The following MTUS1 variants were observed in gnomAD, a reference collection of about 807,000 sequenced individuals.
MTUS1 encodes the protein microtubule associated scaffold protein 1.
A neutral mutation model predicts 120.8 loss-of-function variants in MTUS1; 109 were observed. The observed-to-expected ratio is 0.90, with a 90% CI of 0.77 to 1.06. MTUS1 has a LOEUF of 1.06. Ranked by LOEUF, MTUS1 falls within the 50% of genes least tolerant of loss-of-function variation. The pLI is 0.00. For synonymous variants in MTUS1, 737 were observed against 550.5 expected (o/e 1.34, Z -4.74); for missense variants, 2,210 against 1,486.3 (o/e 1.49, Z -8.01).
intron 7 of MTUS1, among the ~76,000 whole-genome samples, chr8:17,675,659 A>C (rs1812953475): frequency 6.6e-6 from 1 of 152,238 alleles, no homozygotes; most frequent in Non-Finnish European, 1.5e-5. Context: ...ATAAGCACAT[A>C]TATGCACTTT....
intron 3 of MTUS1, among the ~76,000 whole-genome samples, chr8:17,737,601 C>T (rs1157343183): frequency 6.6e-6 from 1 of 152,206 alleles, no homozygotes; most frequent in East Asian, 1.9e-4. Context: ...GATCCTCCCA[C>T]CTCAGCCTCC....
intron 1 of MTUS1, among the ~76,000 whole-genome samples, chr8:17,775,981 C>A (rs1324153212): frequency 6.6e-6 from 1 of 152,216 alleles, no homozygotes; most frequent in Non-Finnish European, 1.5e-5. Context: ...AAGAATGACA[C>A]AACTACCTCT....
intron 1 of MTUS1, among the ~76,000 whole-genome samples, chr8:17,777,354 G>A (rs1426262891): frequency 5.9e-5 from 9 of 151,596 alleles, no homozygotes; most frequent in Admixed American, 6.6e-5. Context: ...CAAGAGAATC[G>A]CTTGAACCCA....
At chr8:17,687,950 C>A (rs1482653083) in intron 6 of MTUS1, among the ~76,000 whole-genome samples, 2 of 152,170 alleles carry the variant, frequency 1.3e-5, no homozygotes, top group Non-Finnish European at 1.5e-5. Context: ...AATCCCAAGA[C>A]CAAAAACAAT....
intron 13 of MTUS1, among the ~76,000 whole-genome samples, chr8:17,647,558 G>T (rs1346102503): frequency 6.6e-6 from 1 of 152,158 alleles, no homozygotes; most frequent in African/African-American, 2.4e-5. Context: ...CAGTTTCATG[G>T]TAAGTTTTCA....
chr8:17,672,918 C>T (rs1232406619), intron 8 of MTUS1, among the ~76,000 whole-genome samples: 1 of 152,196 alleles, frequency 6.6e-6, no homozygotes, highest in Non-Finnish European at 1.5e-5. Flanking sequence ...CTTAATTGTG[C>T]TGTCCACTAA....
At chr8:17,728,111 A>C (rs1029894168) in intron 3 of MTUS1, among the ~76,000 whole-genome samples, 4 of 152,234 alleles carry the variant, frequency 2.6e-5, no homozygotes, top group African/African-American at 9.6e-5. Context: ...TCTGTAAAAC[A>C]AAATGGTAGA....
chr8:17,763,792 G>A (rs1026052841), intron 1 of MTUS1, among the ~76,000 whole-genome samples: 1 of 152,126 alleles, frequency 6.6e-6, no homozygotes, highest in Admixed American at 6.5e-5. Flanking sequence ...TATGTGTTTT[G>A]CAGGTAATGC....
chr8:17,680,941 C>CTTT (rs148648178), intron 7 of MTUS1, among the ~76,000 whole-genome samples: 2 of 149,156 alleles, frequency 1.3e-5, no homozygotes, highest in Admixed American at 6.7e-5. Context: ...TGCTTTTTTT[C>CTTT]TTTTTTTTTT....
At chr8:17,763,722 G>C (rs920201784) in intron 1 of MTUS1, among the ~76,000 whole-genome samples, 5 of 152,196 alleles carry the variant, frequency 3.3e-5, no homozygotes, top group Non-Finnish European at 7.3e-5. Context: ...ACAAGTAACT[G>C]TGGCTGGCTG....
At position 17,755,496 on chromosome 8, in the gene MTUS1, C is replaced by G; in HGVS notation, c.312G>C (p.Gln104His). The change falls in exon 2 of 15, where the codon CAG becomes CAC. Residue 104 changes from glutamine to histidine, a missense_variant. Gln to His is a conservative substitution (Grantham distance 24). Coordinates refer to ENST00000693296, the MANE Select transcript of MTUS1 (RefSeq NM_001363059.2). ...TCTCAGTACCTACAAGTGCAGGACACTGACAAATAGAATCTTTATGCATAT... is the reference window on the plus strand; with the variant it reads ...TCTCAGTACCTACAAGTGCAGGACAGTGACAAATAGAATCTTTATGCATAT... ...VLDMHKDSIC[Q>H]CPALVGTEKP... is the part of the protein sequence containing the mutation. 6.2e-7 allele frequency: 1 copy of G among 1,614,178 alleles called. No individual in the cohort carries two copies. The highest frequency in any genetic ancestry group is 8.5e-7 in the Non-Finnish European group (1 of 1,180,010).
intron 14 of MTUS1, 136 bp from the exon 15 acceptor site, chr8:17,646,275 G>A (rs925421799): frequency 1.6e-5 from 16 of 1,008,816 alleles, no homozygotes; most frequent in Non-Finnish European, 1.8e-5. Context: ...AAGGTCACAG[G>A]TATTTGGCTG....
At position 17,644,252 on chromosome 8, in the gene MTUS1, CTT is replaced by C. The variant is rs1805383990; in HGVS notation, c.*1672_*1673del. The stretch of plus-strand genomic sequence containing the variant: ...ATGATGAAGTATTGGAAGTTAAAGA[CTT>C]AAGACACAAAATCACTAATTTAAAA... On this transcript the variant is annotated 3_prime_UTR_variant, in exon 15 of 15. Transcript: ENST00000693296. The C allele has an allele frequency of 1.3e-5, 2 of 152,576 alleles. No homozygotes were observed. The highest frequency in any genetic ancestry group is 4.8e-5 in the African/African-American group (2 of 41,436). 9.5% of individuals were successfully genotyped at this position (152,576 alleles called of 1,614,324 possible).
At chr8:17,679,469 T>C in intron 7 of MTUS1, among the ~76,000 whole-genome samples, 1 of 135,038 alleles carries the variant, frequency 7.4e-6, no homozygotes, top group South Asian at 2.4e-4. Context: ...CATGATTTTT[T>C]TTCTCCAACT....
At chr8:17,712,167 G>C (rs965715942) in intron 6 of MTUS1, among the ~76,000 whole-genome samples, 5 of 152,168 alleles carry the variant, frequency 3.3e-5, no homozygotes, top group Admixed American at 3.3e-4. Context: ...AAAAAGCACA[G>C]TATTTGCAAG....
chr8:17,646,897 T>C, intron 14 of MTUS1, 85 bp downstream of exon 14: 1 of 895,360 alleles, frequency 1.1e-6, no homozygotes, highest in Non-Finnish European at 1.8e-6. Flanking sequence ...TTCCAGGAGG[T>C]GCAGGGGTAG....
At chr8:17,769,501 C>T (rs1586295885) in intron 1 of MTUS1, among the ~76,000 whole-genome samples, 1 of 150,818 alleles carries the variant, frequency 6.6e-6, no homozygotes, top group Admixed American at 6.6e-5. Flanking sequence ...GCGCCCGCCA[C>T]CACGCCCAGA....
At chr8:17,749,378 G>C (rs2048011371) in intron 2 of MTUS1, among the ~76,000 whole-genome samples, 1 of 151,954 alleles carries the variant, frequency 6.6e-6, no homozygotes, top group Non-Finnish European at 1.5e-5. Flanking sequence ...AAATCTTTAG[G>C]CTGGGGGTGG....
rs541856796 is a variant in MTUS1 at position 17,779,954 on chromosome 8, G to A, written c.-155+21107C>T. ...GACATCTCCACTTACATGTTTAACAGGAATCTCTGACATGGGTTGGATGTG... is the reference window on the plus strand; with the variant it reads ...GACATCTCCACTTACATGTTTAACAAGAATCTCTGACATGGGTTGGATGTG... On this transcript the variant is annotated intron_variant, in intron 1 of 14. Transcript: ENST00000693296. Among the ~76,000 whole-genome samples, 13 of 152,310 alleles carry A rather than the reference G, an allele frequency of 8.5e-5. No individual in the cohort carries two copies. In the East Asian group the frequency reaches 2.5e-3, roughly 29 times the overall value.
Sources: gnomAD v4.1 joint callset for allele counts (sites outside exome capture counted in the v4.1 genomes callset) on GRCh38, gnomAD v4.1.1 for gene constraint, MANE v1.5 for transcripts, NCBI Gene and HGNC (gene_info 2026-07-23, HGNC 2026-07-21) for gene names.